Variants in ATP6V1H observed in about 807,000 individuals in gnomAD.
The protein encoded by ATP6V1H is ATPase H+ transporting V1 subunit H.
ATP6V1H carries 39 observed loss-of-function variants against 71.7 expected under a neutral mutation model. That is an observed-to-expected ratio of 0.54 (90% CI 0.42 to 0.71). ATP6V1H has a LOEUF of 0.71. ATP6V1H is among the 30% of genes least tolerant of loss of function. The pLI, the probability that ATP6V1H is intolerant of heterozygous loss-of-function variation, is 0.00. For synonymous variants in ATP6V1H, 192 were observed against 199.3 expected, an observed-to-expected ratio of 0.96 and a Z score of 0.31; for missense variants, 509 against 594.9, an observed-to-expected ratio of 0.86 and a Z score of 1.50.
chr8:53,794,717 G>A (rs1809675494), intron 9 of ATP6V1H, among the ~76,000 whole-genome samples: 1 of 152,142 alleles, frequency 6.6e-6, no homozygotes, highest in South Asian at 2.1e-4. Flanking sequence ...AACAAAAATG[G>A]TTAAAAGCAC....
At chr8:53,799,102 TTTGGTTAGTAGAATTAAA>T (rs1407152594) in intron 8 of ATP6V1H, among the ~76,000 whole-genome samples, 1 of 152,204 alleles carries the variant, frequency 6.6e-6, no homozygotes, top group Non-Finnish European at 1.5e-5. Context: ...AAATCTAATT[TTTGGTTAGTAGAATTAAA>T]ATTCATTTTA....
chr8:53,782,450 A>G (rs1395863927), intron 9 of ATP6V1H, among the ~76,000 whole-genome samples: 4 of 151,832 alleles, frequency 2.6e-5, no homozygotes, highest in Non-Finnish European at 5.9e-5. Flanking sequence ...GGCTGAGACA[A>G]TGGGGTTTTC....
At chr8:53,762,310 A>C (rs573899728) in intron 11 of ATP6V1H, among the ~76,000 whole-genome samples, 41 of 152,350 alleles carry the variant, frequency 2.7e-4, no homozygotes, top group African/African-American at 9.6e-4. Context: ...GAAAGACAAC[A>C]GTGTAACATT....
At chr8:53,774,426 GA>G (rs1469778056) in intron 9 of ATP6V1H, among the ~76,000 whole-genome samples, 1 of 152,096 alleles carries the variant, frequency 6.6e-6, no homozygotes, top group African/African-American at 2.4e-5. Flanking sequence ...TCTTAAGTCA[GA>G]AAAACAAAAC....
chr8:53,729,468 G>A (rs1806939159), intron 13 of ATP6V1H, among the ~76,000 whole-genome samples: 1 of 152,116 alleles, frequency 6.6e-6, no homozygotes, highest in South Asian at 2.1e-4. Flanking sequence ...GCAGCCCAGG[G>A]CAGATGAAGT....
chr8:53,736,190 TC>T (rs1807197040), intron 13 of ATP6V1H, among the ~76,000 whole-genome samples: 2 of 152,138 alleles, frequency 1.3e-5, no homozygotes, highest in African/African-American at 4.8e-5. Context: ...TATATAAGTG[TC>T]CCCACTGTAC....
At chr8:53,747,331 T>C (rs1585740750) in intron 12 of ATP6V1H, among the ~76,000 whole-genome samples, 2 of 152,144 alleles carry the variant, frequency 1.3e-5, no homozygotes, top group South Asian at 4.1e-4. Context: ...ATATACCCTC[T>C]AGAGTTATAA....
chr8:53,731,050 C>A (rs1806998062), intron 13 of ATP6V1H, among the ~76,000 whole-genome samples: 1 of 152,160 alleles, frequency 6.6e-6, no homozygotes, highest in African/African-American at 2.4e-5. Context: ...TCAAAGGATG[C>A]CTTCTGGTGT....
intron 11 of ATP6V1H, among the ~76,000 whole-genome samples, chr8:53,757,774 CCA>C (rs1204415611): frequency 2.0e-5 from 3 of 152,160 alleles, no homozygotes; most frequent in Admixed American, 6.5e-5. Flanking sequence ...AGTACTCTCC[CCA>C]CCATTCTCCT....
At chr8:53,790,106 G>A (rs1381511023) in intron 9 of ATP6V1H, among the ~76,000 whole-genome samples, 1 of 152,134 alleles carries the variant, frequency 6.6e-6, no homozygotes, top group Non-Finnish European at 1.5e-5. Context: ...ACAGAAAACA[G>A]GGACCCTCTC....
chr8:53,816,612 A>G (rs914106412), intron 5 of ATP6V1H, among the ~76,000 whole-genome samples: 2 of 152,184 alleles, frequency 1.3e-5, no homozygotes, highest in African/African-American at 4.8e-5. Context: ...CCTGGCCAAC[A>G]TGGTGAAATC....
chr8:53,719,892 C>A (rs1426504400), intron 13 of ATP6V1H, among the ~76,000 whole-genome samples: 1 of 152,122 alleles, frequency 6.6e-6, no homozygotes, highest in Non-Finnish European at 1.5e-5. Context: ...CAGACACTTC[C>A]TTTTTCATAA....
In ATP6V1H at chr8:53,738,089, C is replaced by T. The variant is rs193167405; in HGVS notation, c.1391+5488G>A. Among the ~76,000 whole-genome samples, 8 of 152,158 alleles carry T rather than the reference C, an allele frequency of 5.3e-5. No homozygotes were observed. The East Asian group carries it at 1.5e-3, about 29-fold the overall frequency. On this transcript the variant is annotated intron_variant, in intron 13 of 13. Transcript: ENST00000359530. Reference sequence around the variant, plus strand: ...TAAATTTTTAGTATACTCTGCCAACCATTCTATTGAGTTTATTGGATTTAA... The same window carrying T: ...TAAATTTTTAGTATACTCTGCCAACTATTCTATTGAGTTTATTGGATTTAA...
intron 12 of ATP6V1H, among the ~76,000 whole-genome samples, chr8:53,747,738 C>G (rs999178231): frequency 4.0e-5 from 6 of 151,646 alleles, no homozygotes; most frequent in African/African-American, 9.7e-5. Context: ...AGACAGGGTT[C>G]CACCATACTG....
At chr8:53,752,122 G>A (rs1194266520) in intron 12 of ATP6V1H, among the ~76,000 whole-genome samples, 1 of 152,146 alleles carries the variant, frequency 6.6e-6, no homozygotes, top group African/African-American at 2.4e-5. Context: ...GACTTGTGGT[G>A]AAAATGGATC....
At chr8:53,835,060 A>T (rs1187990550) in intron 2 of ATP6V1H, among the ~76,000 whole-genome samples, 2 of 152,132 alleles carry the variant, frequency 1.3e-5, no homozygotes, top group African/African-American at 4.8e-5. Flanking sequence ...AGGCACGAGG[A>T]TCACTTGAAC....
At chr8:53,839,976 C>T in intron 2 of ATP6V1H, 1 of 928,970 alleles carries the variant, frequency 1.1e-6, no homozygotes. Flanking sequence ...GCCTCCAAAA[C>T]ATGTATGACT....
chr8:53,729,801 T>C (rs1183123980), intron 13 of ATP6V1H, among the ~76,000 whole-genome samples: 1 of 152,196 alleles, frequency 6.6e-6, no homozygotes, highest in Non-Finnish European at 1.5e-5. Context: ...TCTGTGGAAG[T>C]CCTTCAAAGT....
intron 3 of ATP6V1H, chr8:53,831,704 C>A (rs1021005054): frequency 2.0e-5 from 3 of 147,674 alleles, no homozygotes; most frequent in Admixed American, 6.7e-5. Context: ...TTCATCATAT[C>A]AAAACTCTCA....
Sources: gnomAD v4.1 joint callset for allele counts (sites outside exome capture counted in the v4.1 genomes callset) on GRCh38, gnomAD v4.1.1 for gene constraint, MANE v1.5 for transcripts, NCBI Gene and HGNC (gene_info 2026-07-23, HGNC 2026-07-21) for gene names.